SHISA6: variants seen among roughly 807,000 people sequenced by gnomAD.
The protein encoded by SHISA6 is protein shisa-6.
Under a neutral mutation model 47.9 loss-of-function variants are expected in SHISA6, and 22 were observed. The observed-to-expected ratio is 0.46, with a 90% CI of 0.33 to 0.66. SHISA6 has a LOEUF of 0.66. SHISA6 is among the 30% of genes least tolerant of loss of function. The pLI, the probability that SHISA6 is intolerant of heterozygous loss-of-function variation, is 0.02. For missense variants in SHISA6, 680 were observed against 764.6 expected (o/e 0.89, Z 1.30); for synonymous variants, 388 against 337.8 (o/e 1.15, Z -1.63).
intron 3 of SHISA6, among the ~76,000 whole-genome samples, chr17:11,490,997 C>T (rs1278922570): frequency 6.7e-6 from 1 of 149,530 alleles, no homozygotes; most frequent in African/African-American, 2.5e-5. Flanking sequence ...CCAATCTCAG[C>T]CTCCCTGACC....
intron 2 of SHISA6, among the ~76,000 whole-genome samples, chr17:11,267,421 C>T (rs752702746): frequency 2.6e-4 from 39 of 152,176 alleles, no homozygotes; most frequent in Non-Finnish European, 5.3e-4. Context: ...GAAGACCTCT[C>T]TTAGCTCAGT....
intron 3 of SHISA6, among the ~76,000 whole-genome samples, chr17:11,459,641 CCACA>C: frequency 6.6e-6 from 1 of 152,268 alleles, no homozygotes; most frequent in East Asian, 1.9e-4. Context: ...CTGTGAAGGT[CCACA>C]CTCCCTAGCC....
intron 2 of SHISA6, among the ~76,000 whole-genome samples, chr17:11,342,720 A>T (rs1445194495): frequency 6.6e-6 from 1 of 152,192 alleles, no homozygotes; most frequent in African/African-American, 2.4e-5. Flanking sequence ...TAGAAGGGTG[A>T]TTCTGTGCAG....
intron 3 of SHISA6, among the ~76,000 whole-genome samples, chr17:11,389,906 C>T (rs1913331507): frequency 6.6e-6 from 1 of 152,132 alleles, no homozygotes; most frequent in Non-Finnish European, 1.5e-5. Flanking sequence ...AAGTCAAACC[C>T]CAGGAAGGTG....
chr17:11,545,062 T>C (rs1016559738), intron 3 of SHISA6, among the ~76,000 whole-genome samples: 10 of 151,318 alleles, frequency 6.6e-5, no homozygotes, highest in African/African-American at 2.4e-4. Flanking sequence ...TATGTTGACA[T>C]GACAACCTGC....
At position 11,562,846 on chromosome 17, in the gene SHISA6, T is replaced by A. The variant is rs913438703; in HGVS notation, c.*4542T>A. 6.6e-6 allele frequency: 1 copy of A among 152,416 alleles called. No individual in the cohort carries two copies. Among genetic ancestry groups the A allele is most frequent in the African/African-American group, 2.4e-5 (1 of 41,438 alleles). 9.4% of individuals were successfully genotyped at this position (152,416 alleles called of 1,614,324 possible). A position where few individuals can be genotyped will look rare whatever the true frequency, so the allele number is the denominator to read the frequency against. On this transcript the variant is annotated 3_prime_UTR_variant, in exon 6 of 6. Transcript: ENST00000441885. ...TGCCCCACAGCGATGTCCTCAGATG[T>A]CCTGGACAGCCACCGCACTCCTCAC...
chr17:11,424,860 G>T (rs139752317), intron 3 of SHISA6, among the ~76,000 whole-genome samples: 2 of 151,682 alleles, frequency 1.3e-5, no homozygotes, highest in Admixed American at 6.6e-5. Flanking sequence ...AATATTAGCC[G>T]GGCATGGGCG....
intron 3 of SHISA6, among the ~76,000 whole-genome samples, chr17:11,507,409 T>A (rs1174061656): frequency 1.3e-5 from 2 of 152,068 alleles, no homozygotes; most frequent in East Asian, 3.9e-4. Flanking sequence ...AGAGCTTTCC[T>A]CTCCACCCAG....
At chr17:11,429,465 A>G (rs970277495) in intron 3 of SHISA6, among the ~76,000 whole-genome samples, 3 of 151,896 alleles carry the variant, frequency 2.0e-5, no homozygotes, top group Non-Finnish European at 4.4e-5. Context: ...CATCTGTCCA[A>G]TTGAACTTTT....
chr17:11,263,920 T>A (rs1908335728), intron 2 of SHISA6, among the ~76,000 whole-genome samples: 1 of 152,206 alleles, frequency 6.6e-6, no homozygotes. Flanking sequence ...TAGAGCCTGC[T>A]CAACTATTGG....
chr17:11,299,347 A>G (rs543209536), intron 2 of SHISA6, among the ~76,000 whole-genome samples: 2 of 152,228 alleles, frequency 1.3e-5, no homozygotes, highest in Admixed American at 6.5e-5. Context: ...TCAGAGGTAG[A>G]TATTACTATT....
intron 2 of SHISA6, among the ~76,000 whole-genome samples, chr17:11,361,748 A>G (rs1490959067): frequency 1.3e-5 from 2 of 152,242 alleles, no homozygotes; most frequent in Non-Finnish European, 2.9e-5. Context: ...TCAATGAACA[A>G]TTAATGAGCA....
chr17:11,241,776 G>A lies in SHISA6; in HGVS notation c.354G>A (p.Leu118=). The change falls in exon 1 of 6, where the codon CTG becomes CTA. Residue 118 remains leucine (L), a synonymous_variant. Transcript: ENST00000441885. The surrounding 1 kb of genome is among the most constrained non-coding windows in gnomAD (Gnocchi z 5.5). Reference sequence around the variant, plus strand: ...GTAACAACAGCGAGAGCGGCTACCTGTACTGCTGCGGTACCTGCTACTACC... The same window carrying A: ...GTAACAACAGCGAGAGCGGCTACCTATACTGCTGCGGTACCTGCTACTACC... ...FECNNSESGY[L]YCCGTCYYRF... is the part of the protein sequence containing the mutation. 1 of 1,549,496 alleles carries A rather than the reference G, an allele frequency of 6.5e-7. No individual in the cohort carries two copies. The highest frequency in any genetic ancestry group is 8.7e-7 in the Non-Finnish European group (1 of 1,146,980).
intron 3 of SHISA6, among the ~76,000 whole-genome samples, chr17:11,543,231 C>A (rs2071848532): frequency 6.6e-6 from 1 of 152,034 alleles, no homozygotes; most frequent in Non-Finnish European, 1.5e-5. Context: ...TTTTATACTG[C>A]ATTGTTGAGT....
chr17:11,555,683 A>G, intron 4 of SHISA6, 57 bp from the exon 5 acceptor site: 7 of 1,455,442 alleles, frequency 4.8e-6, no homozygotes, highest in Non-Finnish European at 5.5e-6. Context: ...GGCAGAAAGC[A>G]CACCTGCCAC....
chr17:11,427,002 C>T (rs989613288), intron 3 of SHISA6, among the ~76,000 whole-genome samples: 3 of 152,164 alleles, frequency 2.0e-5, no homozygotes, highest in Non-Finnish European at 2.9e-5. Flanking sequence ...CCAGAAATAA[C>T]TTAGTGTTAT....
intron 2 of SHISA6, among the ~76,000 whole-genome samples, chr17:11,315,167 G>T (rs944841951): frequency 6.6e-6 from 1 of 152,112 alleles, no homozygotes; most frequent in Admixed American, 6.5e-5. Flanking sequence ...TAATCCTAGT[G>T]TTCTGATACT....
intron 2 of SHISA6, among the ~76,000 whole-genome samples, chr17:11,293,350 A>G (rs1909622857): frequency 6.6e-6 from 1 of 152,140 alleles, no homozygotes; most frequent in African/African-American, 2.4e-5. Context: ...TGTCATATGC[A>G]AGGGAAATGG....
chr17:11,391,052 G>A (rs1245091635), intron 3 of SHISA6, among the ~76,000 whole-genome samples: 2 of 152,166 alleles, frequency 1.3e-5, no homozygotes, highest in African/African-American at 4.8e-5. Flanking sequence ...GAATTACCTT[G>A]CAGGAAAAGA....
Sources: gnomAD v4.1 joint callset for allele counts (sites outside exome capture counted in the v4.1 genomes callset) on GRCh38, gnomAD v4.1.1 for gene constraint, Gnocchi (gnomAD v3.1) non-coding constraint, MANE v1.5 for transcripts, NCBI Gene and HGNC (gene_info 2026-07-23, HGNC 2026-07-21) for gene names.